Variants in CNTN4 observed in about 807,000 individuals in gnomAD.
CNTN4 encodes contactin 4, also known as contactin-4.
CNTN4 carries 77 observed loss-of-function variants against 122.5 expected under a neutral mutation model. The ratio of observed to expected loss-of-function variants is 0.63; its 90% CI spans 0.52 to 0.76. The LOEUF is 0.76. Ranked by LOEUF, CNTN4 falls within the 30% of genes least tolerant of loss-of-function variation. The probability of loss-of-function intolerance (pLI) is 0.00; values close to 1 mark genes in which losing one functional copy is unlikely to be tolerated. For synonymous variants in CNTN4, 512 were observed against 447.0 expected, an observed-to-expected ratio of 1.15 and a Z score of -1.83; for missense variants, 1,256 against 1,259.1, an observed-to-expected ratio of 1.00 and a Z score of 0.04.
intron 4 of CNTN4, among the ~76,000 whole-genome samples, chr3:2,649,686 A>G (rs1206314849): frequency 6.6e-6 from 1 of 152,178 alleles, no homozygotes. Context: ...TCTGCAGCCA[A>G]TGGATCAGGA....
intron 2 of CNTN4, among the ~76,000 whole-genome samples, chr3:2,113,469 T>C (rs930049591): frequency 2.0e-5 from 3 of 152,228 alleles, no homozygotes; most frequent in Non-Finnish European, 4.4e-5. Context: ...AGATGCACTG[T>C]ATCAGAATTT....
chr3:2,239,896 G>C (rs2039864235), intron 2 of CNTN4, among the ~76,000 whole-genome samples: 1 of 152,250 alleles, frequency 6.6e-6, no homozygotes, highest in Admixed American at 6.5e-5. Flanking sequence ...TAAAACTCAG[G>C]ACTGACCCAT....
At chr3:2,285,726 T>C (rs1197402099) in intron 2 of CNTN4, among the ~76,000 whole-genome samples, 1 of 152,146 alleles carries the variant, frequency 6.6e-6, no homozygotes, top group East Asian at 1.9e-4. Context: ...TAATGTCATT[T>C]TGGTATTATT....
chr3:2,554,166 A>G (rs550809726), intron 3 of CNTN4, among the ~76,000 whole-genome samples: 1 of 152,284 alleles, frequency 6.6e-6, no homozygotes, highest in East Asian at 1.9e-4. Context: ...GAGCGAATAA[A>G]AATTCAGTTG....
chr3:2,456,815 G>A (rs570774645), intron 3 of CNTN4, among the ~76,000 whole-genome samples: 14 of 152,196 alleles, frequency 9.2e-5, no homozygotes, highest in African/African-American at 3.1e-4. Context: ...ATTGTGAAAA[G>A]TGCTGCTGTG....
intron 14 of CNTN4, among the ~76,000 whole-genome samples, chr3:3,024,906 C>T (rs1698601334): frequency 6.6e-6 from 1 of 152,116 alleles, no homozygotes; most frequent in African/African-American, 2.4e-5. Flanking sequence ...AAATGCAATC[C>T]CGCGACTATG....
At chr3:2,125,921 G>GTGTA (rs2034126900) in intron 2 of CNTN4, among the ~76,000 whole-genome samples, 2 of 150,492 alleles carry the variant, frequency 1.3e-5, no homozygotes. Flanking sequence ...GTGTGTGTGT[G>GTGTA]TGTGTGTATG....
chr3:2,930,312 T>C (rs1407100668), intron 13 of CNTN4, among the ~76,000 whole-genome samples: 5 of 152,188 alleles, frequency 3.3e-5, no homozygotes, highest in African/African-American at 1.2e-4. Flanking sequence ...ATTATTGTTA[T>C]ACTAGAGAGA....
At chr3:2,642,611 T>G (rs1024330592) in intron 4 of CNTN4, among the ~76,000 whole-genome samples, 5 of 152,186 alleles carry the variant, frequency 3.3e-5, no homozygotes, top group African/African-American at 1.2e-4. Context: ...GAAACAGGTA[T>G]ATGTATACAT....
intron 9 of CNTN4, among the ~76,000 whole-genome samples, chr3:2,884,388 T>C (rs2093946172): frequency 6.6e-6 from 1 of 152,204 alleles, no homozygotes; most frequent in African/African-American, 2.4e-5. Flanking sequence ...TTTCAAGTCG[T>C]GACAAATAAG....
intron 4 of CNTN4, among the ~76,000 whole-genome samples, chr3:2,732,412 C>A (rs1485156297): frequency 6.6e-6 from 1 of 151,854 alleles, no homozygotes; most frequent in Non-Finnish European, 1.5e-5. Context: ...ATTATTAAAT[C>A]TTGTCCTCTG....
intron 3 of CNTN4, among the ~76,000 whole-genome samples, chr3:2,485,094 G>C (rs1057454125): frequency 3.9e-5 from 6 of 152,178 alleles, no homozygotes; most frequent in Non-Finnish European, 7.4e-5. Flanking sequence ...CAGCAGTGCC[G>C]GCCGGCCAGT....
chr3:2,193,293 C>G (rs2037673504), intron 2 of CNTN4, among the ~76,000 whole-genome samples: 2 of 151,818 alleles, frequency 1.3e-5, no homozygotes, highest in African/African-American at 4.8e-5. Flanking sequence ...CCTGACTTGT[C>G]CTAAAGCCTC....
Position 2,577,985 on chromosome 3 carries a change from G to A in CNTN4, c.55+6427G>A, listed in dbSNP as rs75916556. On this transcript the variant is annotated intron_variant, in intron 4 of 24. Transcript: ENST00000418658. ...TTGATTTGCTCACAAAATCTATGTC[G>A]TTATTATATCTGCATCTGGGGGCAT... Among the ~76,000 whole-genome samples the A allele has an allele frequency of 8.5e-3, 1,300 of 152,130 alleles. 15 individuals are homozygous for A. Among genetic ancestry groups the A allele is most frequent in the African/African-American group, 0.029 (1,190 of 41,504 alleles).
intron 10 of CNTN4, among the ~76,000 whole-genome samples, chr3:2,896,338 G>C (rs1227619320): frequency 6.6e-6 from 1 of 152,110 alleles, no homozygotes; most frequent in Non-Finnish European, 1.5e-5. Flanking sequence ...ATGTAGAAGG[G>C]AGTGCCTTCC....
intron 2 of CNTN4, among the ~76,000 whole-genome samples, chr3:2,306,991 G>A (rs1165897636): frequency 6.6e-6 from 1 of 152,030 alleles, no homozygotes; most frequent in Non-Finnish European, 1.5e-5. Flanking sequence ...GCTTGAACTT[G>A]TTTATTAAAT....
intron 3 of CNTN4, among the ~76,000 whole-genome samples, chr3:2,532,296 TG>T (rs1417716485): frequency 1.3e-5 from 2 of 152,094 alleles, no homozygotes; most frequent in Non-Finnish European, 2.9e-5. Context: ...CCTGTCACCC[TG>T]GGCTGGACTG....
chr3:2,511,881 TAGG>T (rs1485340383), intron 3 of CNTN4, among the ~76,000 whole-genome samples: 4 of 152,280 alleles, frequency 2.6e-5, no homozygotes, highest in African/African-American at 9.6e-5. Flanking sequence ...TACAAGGAAA[TAGG>T]AGCCTTTCAG....
At chr3:2,558,639 G>C (rs560699072) in intron 3 of CNTN4, among the ~76,000 whole-genome samples, 1 of 152,152 alleles carries the variant, frequency 6.6e-6, no homozygotes, top group African/African-American at 2.4e-5. Flanking sequence ...AGTTTTCCCA[G>C]CATGATATTA....
Sources: allele counts gnomAD v4.1 joint callset (sites outside exome capture counted in the v4.1 genomes callset), GRCh38; gene constraint gnomAD v4.1.1; transcripts MANE v1.5; gene names NCBI Gene and HGNC (gene_info 2026-07-23, HGNC 2026-07-21).